The following BDP1 variants were observed in gnomAD, a reference collection of about 807,000 sequenced individuals.
The protein encoded by BDP1 is BDP1 general transcription factor IIIB subunit.
A neutral mutation model predicts 266.6 loss-of-function variants in BDP1; 169 were observed. That is an observed-to-expected ratio of 0.63 (90% confidence interval 0.56 to 0.72). BDP1 has a LOEUF of 0.72. Ranked by LOEUF, BDP1 falls within the 30% of genes least tolerant of loss-of-function variation. BDP1 has a pLI of 0.00. For missense variants in BDP1, 3,015 were observed against 3,053.8 expected (o/e 0.99, Z 0.30); for synonymous variants, 1,090 against 1,022.4 (o/e 1.07, Z -1.26).
At chr5:71,543,142 A>G (rs772351567) in intron 30 of BDP1, among the ~76,000 whole-genome samples, 2 of 152,208 alleles carry the variant, frequency 1.3e-5, no homozygotes, top group African/African-American at 2.4e-5. Flanking sequence ...TTAGCCAGGC[A>G]TGGTGGTGCA....
intron 35 of BDP1, among the ~76,000 whole-genome samples, chr5:71,555,676 T>A (rs555774832): frequency 1.5e-4 from 23 of 152,240 alleles, no homozygotes; most frequent in African/African-American, 5.5e-4. Context: ...GGACCTCAGA[T>A]GATCCGCCTG....
chr5:71,507,920 T>G (rs1764671403), intron 16 of BDP1, among the ~76,000 whole-genome samples: 1 of 152,212 alleles, frequency 6.6e-6, no homozygotes, highest in Non-Finnish European at 1.5e-5. Flanking sequence ...AAGGATAGTA[T>G]AGGACCTAAA....
intron 33 of BDP1, 92 bp from the exon 34 acceptor site, chr5:71,549,328 C>A: frequency 9.4e-7 from 1 of 1,062,164 alleles, no homozygotes; most frequent in Non-Finnish European, 1.4e-6. Flanking sequence ...ATAAGTTGTC[C>A]TGAGACTGTC....
chr5:71,496,862 C>T (rs538687201), intron 12 of BDP1, among the ~76,000 whole-genome samples: 2 of 152,292 alleles, frequency 1.3e-5, no homozygotes, highest in East Asian at 1.9e-4. Context: ...GGATTATAGG[C>T]GTGAGCCACT....
At chr5:71,552,474 G>T (rs1191342986) in intron 34 of BDP1, among the ~76,000 whole-genome samples, 1 of 152,254 alleles carries the variant, frequency 6.6e-6, no homozygotes, top group Admixed American at 6.5e-5. Flanking sequence ...CAGGCGGCTG[G>T]GAGGTGGAGG....
chr5:71,522,838 T>C lies in BDP1; in HGVS notation c.5276T>C (p.Ile1759Thr). The C allele has an allele frequency of 6.2e-7, 1 of 1,613,814 alleles. No homozygotes were observed. The highest frequency in any genetic ancestry group is 8.5e-7 in the Non-Finnish European group (1 of 1,179,880). Reference sequence around the variant, plus strand: ...TCCAAAGAGTCTGCTTTGGCAAAAATAGATGCGGAATTAGAAGAAGTTGGA... The same window carrying C: ...TCCAAAGAGTCTGCTTTGGCAAAAACAGATGCGGAATTAGAAGAAGTTGGA... ...VGSKESALAK[I>T]DAELEEVGPS... The change falls in exon 24 of 39, where the codon ATA becomes ACA. Residue 1759 changes from isoleucine (I) to threonine (T), a missense_variant. By Grantham distance (89) the Ile-to-Thr change is moderately conservative. Coordinates refer to ENST00000358731, the MANE Select transcript of BDP1 (RefSeq NM_018429.3).
the BDP1 span, among the ~76,000 whole-genome samples, chr5:71,572,912 T>C: frequency 6.6e-6 from 1 of 152,126 alleles, no homozygotes; most frequent in Non-Finnish European, 1.5e-5. Context: ...GAATCTGTTG[T>C]CCCACCCACA....
chr5:71,487,925 G>A (rs554563972), intron 9 of BDP1, among the ~76,000 whole-genome samples: 1 of 152,316 alleles, frequency 6.6e-6, no homozygotes, highest in East Asian at 1.9e-4. Context: ...AGTCAAGCCT[G>A]CAAAATTAAC....
chr5:71,521,065 G>A (rs1371963930), intron 22 of BDP1, among the ~76,000 whole-genome samples: 1 of 151,370 alleles, frequency 6.6e-6, no homozygotes, highest in African/African-American at 2.4e-5. Context: ...GCGCATGCCT[G>A]TAATCCCAGC....
chr5:71,469,582 TA>T (rs901438625), intron 6 of BDP1, among the ~76,000 whole-genome samples: 5 of 150,660 alleles, frequency 3.3e-5, no homozygotes, highest in African/African-American at 7.3e-5. Flanking sequence ...ATGAATGTTT[TA>T]AAAAAAAAAT....
At chr5:71,504,847 G>C in intron 16 of BDP1, 96 bp downstream of exon 16, 2 of 1,126,454 alleles carry the variant, frequency 1.8e-6, no homozygotes, top group Non-Finnish European at 2.6e-6. Flanking sequence ...AGATGGATTT[G>C]TTGTCTGCGT....
intron 14 of BDP1, 21 bp downstream of exon 14, chr5:71,501,674 A>C: frequency 1.7e-5 from 2 of 120,106 alleles, no homozygotes; most frequent in Non-Finnish European, 1.4e-5. Context: ...AGGAAGTAGT[A>C]AAAAAAAAAA....
chr5:71,494,297 A>G (rs1425077763), intron 11 of BDP1, among the ~76,000 whole-genome samples: 2 of 152,264 alleles, frequency 1.3e-5, no homozygotes, highest in Non-Finnish European at 2.9e-5. Context: ...TGAAATGGTC[A>G]GTGCGTGGCT....
chr5:71,507,696 A>G (rs1764655245), intron 16 of BDP1, among the ~76,000 whole-genome samples: 3 of 152,242 alleles, frequency 2.0e-5, no homozygotes, highest in Admixed American at 2.0e-4. Flanking sequence ...ATAAATCAAA[A>G]AATGGAATGC....
At chr5:71,542,635 G>A (rs1767042686) in intron 30 of BDP1, among the ~76,000 whole-genome samples, 1 of 151,944 alleles carries the variant, frequency 6.6e-6, no homozygotes, top group Non-Finnish European at 1.5e-5. Context: ...ACTTTGGGAG[G>A]CTTGAGCCCA....
At chr5:71,495,843 G>A (rs183756843) in intron 12 of BDP1, among the ~76,000 whole-genome samples, 2 of 152,192 alleles carry the variant, frequency 1.3e-5, no homozygotes, top group Admixed American at 1.3e-4. Context: ...CCCAAGAAAC[G>A]ATTAAAAACA....
intron 25 of BDP1, among the ~76,000 whole-genome samples, chr5:71,526,169 A>AAG (rs1765856992): frequency 1.3e-5 from 2 of 152,104 alleles, no homozygotes; most frequent in Non-Finnish European, 2.9e-5. Flanking sequence ...GAGTGAACGC[A>AAG]ACTCCGTCTG....
At position 71,539,793 on chromosome 5, in the gene BDP1, A is replaced by G. The variant is rs147063853; in HGVS notation, c.6022+144A>G. On this transcript the variant is annotated intron_variant, in intron 28 of 38. Coordinates refer to ENST00000358731, the MANE Select transcript of BDP1 (RefSeq NM_018429.3). ...CTTCCATAAAATATGATATGTATGT[A>G]TTGATCCATCCACTATTTTACTACT... The G allele has an allele frequency of 4.8e-5, 27 of 559,242 alleles. No individual in the cohort carries two copies. In the African/African-American group the frequency reaches 4.9e-4, roughly 10 times the overall value. 34.6% of individuals were successfully genotyped at this position (559,242 alleles called of 1,614,324 possible).
chr5:71,548,141 T>G (rs985071636), intron 32 of BDP1, among the ~76,000 whole-genome samples: 8 of 151,372 alleles, frequency 5.3e-5, no homozygotes, highest in Non-Finnish European at 1.0e-4. Context: ...ACAAAAAAAT[T>G]AGCCAGGTGT....
Sources: gnomAD v4.1 joint callset for allele counts (sites outside exome capture counted in the v4.1 genomes callset) on GRCh38, gnomAD v4.1.1 for gene constraint, MANE v1.5 for transcripts, NCBI Gene and HGNC (gene_info 2026-07-23, HGNC 2026-07-21) for gene names.